Variants in EFCAB13 observed in about 807,000 individuals in gnomAD.
EFCAB13 encodes the protein EF-hand calcium-binding domain-containing protein 13.
Under a neutral mutation model 110.2 loss-of-function variants are expected in EFCAB13, and 91 were observed. The observed-to-expected ratio is 0.83, with a 90% CI of 0.70 to 0.98. EFCAB13 has a LOEUF of 0.98. Among genes scored for constraint, EFCAB13 ranks in the 50% least tolerant of loss-of-function variants. The pLI is 0.00. For missense variants in EFCAB13, 968 were observed against 1,119.4 expected (o/e 0.86, Z 1.93); for synonymous variants, 323 against 369.9 (o/e 0.87, Z 1.45).
At chr17:47,394,284 A>G (rs562418032) in intron 16 of EFCAB13, among the ~76,000 whole-genome samples, 185 bp downstream of exon 16, 18 of 152,298 alleles carry the variant, frequency 1.2e-4, no homozygotes, top group Admixed American at 2.6e-4. Context: ...CTAATTCTAG[A>G]ATGTCTTCTA....
rs748383264 is a variant in EFCAB13, at chr17:47,347,810, C to G, written c.520C>G (p.Leu174Val). Residue 174 changes from leucine (L) to valine (V), a missense_variant and splice_region_variant, in exon 9 of 25, where the codon CTT becomes GTT. Transcript: ENST00000331493. ...GYLHSKELSA[L>V]HKACKIFSKI... Reference sequence around the variant, plus strand: ...AATGTTTTGTTATGTGTGTGCAGCACTTCATAAAGCCTGTAAAATTTTTAG... The same window carrying G: ...AATGTTTTGTTATGTGTGTGCAGCAGTTCATAAAGCCTGTAAAATTTTTAG... 2.7e-6 allele frequency: 4 copies of G among 1,481,868 alleles called. No homozygotes were observed. The highest frequency in any genetic ancestry group is 3.6e-6 in the Non-Finnish European group (4 of 1,099,112). The allele number at this position is 1,481,868 out of a possible 1,614,324, so 91.8% of individuals were successfully genotyped here.
At chr17:47,430,168 T>C in intron 24 of EFCAB13, 1 of 1,180,504 alleles carries the variant, frequency 8.5e-7, no homozygotes, top group Non-Finnish European at 1.1e-6. Flanking sequence ...ATCTTATCCC[T>C]GTGTGAGTCC....
intron 9 of EFCAB13, among the ~76,000 whole-genome samples, chr17:47,359,053 C>T (rs1291418709): frequency 1.3e-5 from 2 of 152,196 alleles, no homozygotes; most frequent in Admixed American, 1.3e-4. Flanking sequence ...CTAGTTGAGA[C>T]CAGGCATGGT....
Position 47,391,054 on chromosome 17 carries a change from C to T in EFCAB13, c.1583-383C>T, listed in dbSNP as rs113092172. Among the ~76,000 whole-genome samples, 1,308 of 152,200 alleles carry T rather than the reference C, an allele frequency of 8.6e-3. 13 individuals carry two copies. Among genetic ancestry groups the T allele is most frequent in the African/African-American group, 0.027 (1,115 of 41,518 alleles). On this transcript the variant is annotated intron_variant, in intron 14 of 24. Transcript: ENST00000331493. ...TTCTGGGCTCAAGCAATTCTCCTAC[C>T]TCAGCCTCCCCAGTAGCTAGGAATA...
At chr17:47,333,132 A>G (rs981773776) in intron 4 of EFCAB13, among the ~76,000 whole-genome samples, 11 of 152,162 alleles carry the variant, frequency 7.2e-5, no homozygotes, top group Non-Finnish European at 1.6e-4. Flanking sequence ...AATATCTAAC[A>G]GAATAGTGTG....
At chr17:47,393,203 C>T (rs967989719) in intron 15 of EFCAB13, among the ~76,000 whole-genome samples, 7 of 152,108 alleles carry the variant, frequency 4.6e-5, no homozygotes, top group African/African-American at 1.7e-4. Flanking sequence ...AGCCACCATG[C>T]CTGGCTCATG....
Position 47,429,906 on chromosome 17 carries a change from C to G in EFCAB13, c.2583C>G (p.Asp861Glu), listed in dbSNP as rs1334565409. The change falls in exon 24 of 25, where the codon GAC becomes GAG. Residue 861 changes from aspartate (D) to glutamate (E), a missense_variant. By Grantham distance (45) the Asp-to-Glu change is conservative. Coordinates refer to ENST00000331493, the MANE Select transcript of EFCAB13 (RefSeq NM_152347.5). ...TCAAGACATTATTGATGGACAAGGA[C>G]CTTCATACAGCTAATGCTATACTTA... is the stretch of plus-strand genomic sequence containing the variant. ...SDLKTLLMDK[D>E]LHTANAILTV... is the part of the protein sequence containing the mutation. The G allele has an allele frequency of 1.3e-5, 21 of 1,612,880 alleles. No individual in the cohort carries two copies. Among genetic ancestry groups the G allele is most frequent in the Non-Finnish European group, 1.8e-5 (21 of 1,179,266 alleles).
chr17:47,336,129 GT>G (rs200427848), intron 5 of EFCAB13, among the ~76,000 whole-genome samples: 12,605 of 143,396 alleles, frequency 0.088, 721 homozygotes, highest in East Asian at 0.34. Flanking sequence ...TATTTGAATA[GT>G]TTTTTTTTTT....
chr17:47,438,407 C>CT (rs1360408193), intron 24 of EFCAB13, among the ~76,000 whole-genome samples: 2 of 151,878 alleles, frequency 1.3e-5, no homozygotes, highest in African/African-American at 4.8e-5. Context: ...TTTTAGAATT[C>CT]TCTTCTTCCT....
At chr17:47,348,848 A>G (rs972085317) in intron 9 of EFCAB13, among the ~76,000 whole-genome samples, 1 of 152,108 alleles carries the variant, frequency 6.6e-6, no homozygotes, top group African/African-American at 2.4e-5. Context: ...ATTTTATTCC[A>G]TTCTGTTGCT....
rs199526732 is a variant in EFCAB13, at chr17:47,394,063, A to T, written c.1765A>T (p.Met589Leu). The change falls in exon 16 of 25, where the codon ATG (methionine) becomes TTG (leucine). Residue 589 changes from methionine to leucine, a missense_variant. Met to Leu is a conservative substitution (Grantham distance 15, BLOSUM62 2). Transcript: ENST00000331493. Reference sequence around the variant, plus strand: ...GAATTTTAAAGAATTCATTGATACTATGATGAGCAACACGGAATGCTTCTC... The same window carrying T: ...GAATTTTAAAGAATTCATTGATACTTTGATGAGCAACACGGAATGCTTCTC... ...KVNFKEFIDT[M>L]MSNTECFSEK... 1 of 1,551,466 alleles carries T rather than the reference A, an allele frequency of 6.4e-7. No individual in the cohort carries two copies. Among genetic ancestry groups the T allele is most frequent in the African/African-American group, 1.4e-5 (1 of 72,042 alleles).
In EFCAB13 at chr17:47,352,601, T is replaced by C. The variant is rs2065459501; in HGVS notation, c.661+4650T>C. ...TAGTTCCATGTAAATTTTAAGATTA[T>C]TTTTTCTATTTCTGTGAAAAATGAC... is the stretch of plus-strand genomic sequence containing the variant. On this transcript the variant is annotated intron_variant, in intron 9 of 24. Transcript: ENST00000331493. Among the ~76,000 whole-genome samples the C allele has an allele frequency of 3.9e-5, 6 of 152,286 alleles. No homozygotes were observed. The South Asian group carries it at 1.2e-3, about 32-fold the overall frequency.
chr17:47,390,914 G>GTCTTATCTA lies in EFCAB13; in HGVS notation c.1583-520_1583-519insTATCTATCT, dbSNP rs150041083. ...TATATATGTGTATGTGTGTCTGTCT[G>GTCTTATCTA]TCTATCTATCTATCTGTCTATCTAT... is the stretch of plus-strand genomic sequence containing the variant. On this transcript the variant is annotated intron_variant, in intron 14 of 24. Transcript: ENST00000331493. Among the ~76,000 whole-genome samples the GTCTTATCTA allele has an allele frequency of 0.012, 1,828 of 150,264 alleles. 47 individuals are homozygous for GTCTTATCTA. In the East Asian group the frequency reaches 0.14, roughly 11 times the overall value.
At chr17:47,398,359 T>C (rs1029632185) in intron 17 of EFCAB13, among the ~76,000 whole-genome samples, 11 of 149,916 alleles carry the variant, frequency 7.3e-5, no homozygotes, top group African/African-American at 2.5e-4. Flanking sequence ...GTCTGGGAGG[T>C]GTACCCAACA....
chr17:47,364,825 G>A (rs981017073), intron 10 of EFCAB13, among the ~76,000 whole-genome samples: 1 of 152,168 alleles, frequency 6.6e-6, no homozygotes, highest in Non-Finnish European at 1.5e-5. Context: ...GGGCCTTGTG[G>A]GTTCTGGCTT....
chr17:47,391,319 A>C, intron 14 of EFCAB13, 118 bp from the exon 15 acceptor site: 1 of 686,278 alleles, frequency 1.5e-6, no homozygotes, highest in Non-Finnish European at 2.2e-6. Context: ...AGTATATAAC[A>C]CTGCTGAAGT....
chr17:47,438,527 G>C (rs1286000751), intron 24 of EFCAB13, among the ~76,000 whole-genome samples: 3 of 136,504 alleles, frequency 2.2e-5, no homozygotes, highest in Non-Finnish European at 4.7e-5. Flanking sequence ...TTGTTGGATT[G>C]AGTTAATTAG....
At chr17:47,373,690 T>C (rs932015285) in intron 11 of EFCAB13, among the ~76,000 whole-genome samples, 2 of 152,186 alleles carry the variant, frequency 1.3e-5, no homozygotes, top group African/African-American at 2.4e-5. Context: ...TAGAGATACA[T>C]ATATAGCACC....
intron 23 of EFCAB13, among the ~76,000 whole-genome samples, chr17:47,421,582 G>C (rs112455602): frequency 0.11 from 15,403 of 141,228 alleles, 919 homozygotes; most frequent in East Asian, 0.33. Flanking sequence ...TCCTATGACC[G>C]TGCCAAATCC....
Sources: allele counts gnomAD v4.1 joint callset (sites outside exome capture counted in the v4.1 genomes callset), GRCh38; gene constraint gnomAD v4.1.1; transcripts MANE v1.5; gene names NCBI Gene and HGNC (gene_info 2026-07-23, HGNC 2026-07-21).